Variants in SLC25A1 observed in about 807,000 individuals in gnomAD.
SLC25A1 encodes the protein tricarboxylate transport protein, mitochondrial.
In SLC25A1, 26 loss-of-function variants were observed where a neutral mutation model predicts 38.1. That is an observed-to-expected ratio of 0.68 (90% CI 0.50 to 0.95). The LOEUF (loss-of-function observed/expected upper bound fraction) is 0.95. Ranked by LOEUF, SLC25A1 falls within the 40% of genes least tolerant of loss-of-function variation. SLC25A1 has a pLI of 0.00. For synonymous variants in SLC25A1, 211 were observed against 183.2 expected, an observed-to-expected ratio of 1.15 and a Z score of -1.23; for missense variants, 378 against 426.6, an observed-to-expected ratio of 0.89 and a Z score of 1.00.
At position 19,178,002 on chromosome 22, in the gene SLC25A1, A is replaced by G. The variant is rs1555923147; in HGVS notation, c.242T>C (p.Leu81Pro). The change falls in exon 3 of 9, where the codon CTG becomes CCG. Residue 81 changes from leucine to proline, a missense_variant. Coordinates refer to ENST00000215882, the MANE Select transcript of SLC25A1 (RefSeq NM_005984.5). The surrounding 1 kb of genome is among the most constrained non-coding windows in gnomAD (Gnocchi z 4.9). ...GGAGCTAAGGCCGCGGTACAGGCCC[A>G]GGACGCCATGGCTGCGAACCGTCTG... ...VRQTVRSHGV[L>P]GLYRGLSSLL... 7.5e-6 allele frequency: 12 copies of G among 1,602,932 alleles called. No homozygotes were observed. The highest frequency in any genetic ancestry group is 1.0e-5 in the Non-Finnish European group (12 of 1,176,706).
intron 8 of SLC25A1, 43 bp from the exon 9 acceptor site, chr22:19,176,287 A>G (rs782297075): frequency 6.4e-7 from 1 of 1,567,022 alleles, no homozygotes; most frequent in Non-Finnish European, 8.8e-7. Flanking sequence ...AGGTCAGCAC[A>G]GTGTCCCTGC....
At position 19,178,102 on chromosome 22, in the gene SLC25A1, C is replaced by T. The variant is rs2146147840; in HGVS notation, c.202+31G>A. 1 of 1,532,032 alleles carries T rather than the reference C, an allele frequency of 6.5e-7. No homozygotes were observed. Among genetic ancestry groups the T allele is most frequent in the East Asian group, 2.5e-5 (1 of 39,868 alleles). The allele number at this position is 1,532,032 out of a possible 1,614,324, so 94.9% of individuals were successfully genotyped here. ...GGTGCCGCCGCCCTGGGTACCCGCC[C>T]CCCGCGGCGCCGCGGCCTCCCCCTC... On this transcript the variant is annotated intron_variant, in intron 2 of 8. Transcript: ENST00000215882. This position sits in a 1 kb window ranked among gnomAD's most constrained non-coding sequence, Gnocchi z 4.9.
rs1163347312 is a variant in SLC25A1 at position 19,178,125 on chromosome 22, C to G, written c.202+8G>C. 11 of 1,542,070 alleles carry G rather than the reference C, an allele frequency of 7.1e-6. No homozygotes were observed. In the East Asian group the frequency reaches 1.7e-4, roughly 24 times the overall value. ...CCCCCCGCGGCGCCGCGGCCTCCCCCTCCTCACCGATGCCCCGGTACCGCG... is the reference window on the plus strand; with the variant it reads ...CCCCCCGCGGCGCCGCGGCCTCCCCGTCCTCACCGATGCCCCGGTACCGCG... On this transcript the variant is annotated splice_region_variant and intron_variant, in intron 2 of 8. Transcript: ENST00000215882. The surrounding 1 kb of genome is among the most constrained non-coding windows in gnomAD (Gnocchi z 4.9).
intron 3 of SLC25A1, 25 bp from the exon 4 acceptor site, chr22:19,177,890 G>A (rs782258869): frequency 1.3e-6 from 2 of 1,585,820 alleles, no homozygotes; most frequent in Non-Finnish European, 1.7e-6. Flanking sequence ...CGGGTGAGAG[G>A]GGCTGCCGCG....
At chr22:19,176,769 C>A in intron 6 of SLC25A1, 76 bp from the exon 7 acceptor site, 1 of 1,585,886 alleles carries the variant, frequency 6.3e-7, no homozygotes, top group Non-Finnish European at 8.7e-7. Flanking sequence ...GGTGGGTGCC[C>A]GCCACCCAGG....
chr22:19,178,714 C>G lies in SLC25A1; in HGVS notation c.-41G>C, dbSNP rs1407879852. ...GGGCGCCCTGTGGCGGCTTCGGGTC[C>G]GAGACTCCAGAACTCCGCGCTCGGT... On this transcript the variant is annotated 5_prime_UTR_variant, in exon 1 of 9. Transcript: ENST00000215882. The surrounding 1 kb of genome is among the most constrained non-coding windows in gnomAD (Gnocchi z 4.9). 14 of 962,110 alleles carry G rather than the reference C, an allele frequency of 1.5e-5. No individual in the cohort carries two copies. The African/African-American group carries it at 2.1e-4, about 14-fold the overall frequency. 59.6% of individuals were successfully genotyped at this position (962,110 alleles called of 1,614,324 possible).
Position 19,178,622 on chromosome 22 carries a change from C to T in SLC25A1, c.52G>A (p.Gly18Arg), listed in dbSNP as rs1490169141. Reference protein sequence around the residue: ...RALAAAAPASGKAKLTHPGKA... With the variant: ...RALAAAAPASRKAKLTHPGKA... ...CCCGGGTGCGTCAGCTTGGCCTTCC[C>T]GGACGCGGGCGCGGCGGCCGCCAGA... The change falls in exon 1 of 9, where the codon GGG (glycine) becomes AGG (arginine). Residue 18 changes from glycine (G) to arginine (R), a missense_variant. Coordinates refer to ENST00000215882, the MANE Select transcript of SLC25A1 (RefSeq NM_005984.5). The surrounding 1 kb of genome is among the most constrained non-coding windows in gnomAD (Gnocchi z 4.9). 2 of 1,197,176 alleles carry T rather than the reference C, an allele frequency of 1.7e-6. No homozygotes were observed. The highest frequency in any genetic ancestry group is 4.5e-5 in the Admixed American group (1 of 22,402). 74.2% of individuals were successfully genotyped at this position (1,197,176 alleles called of 1,614,324 possible). A position where few individuals can be genotyped will look rare whatever the true frequency, so the allele number is the denominator to read the frequency against.
chr22:19,176,323 T>C (rs1210983312), intron 8 of SLC25A1, 79 bp from the exon 9 acceptor site: 1 of 1,556,050 alleles, frequency 6.4e-7, no homozygotes, highest in Non-Finnish European at 8.9e-7. Flanking sequence ...GATACTGAAG[T>C]GAGAGGCACA....
At chr22:19,176,274 G>A (rs782622413) in intron 8 of SLC25A1, 30 bp from the exon 9 acceptor site, 6 of 1,586,416 alleles carry the variant, frequency 3.8e-6, no homozygotes, top group Non-Finnish European at 5.2e-6. Context: ...GGGAGAGGAA[G>A]GCAGGTCAGC....
Position 19,178,460 on chromosome 22 carries a change from G to C in SLC25A1, c.94+120C>G. The stretch of plus-strand genomic sequence containing the variant: ...GTCCCAGCGCGCCGGGTGGGGACCA[G>C]GACCGCGCCTCCACGACTCCCCAGC... On this transcript the variant is annotated intron_variant, in intron 1 of 8. Coordinates refer to ENST00000215882, the MANE Select transcript of SLC25A1 (RefSeq NM_005984.5). This position sits in a 1 kb window ranked among gnomAD's most constrained non-coding sequence, Gnocchi z 4.9. 1 of 1,355,186 alleles carries C rather than the reference G, an allele frequency of 7.4e-7. No homozygotes were observed. Among genetic ancestry groups the C allele is most frequent in the African/African-American group, 1.5e-5 (1 of 64,554 alleles). 83.9% of individuals were successfully genotyped at this position (1,355,186 alleles called of 1,614,324 possible).
In SLC25A1 at chr22:19,177,207, G is replaced by GA; in HGVS notation, c.442-4dup. ...GTCTGGTCGTGGATGAACTTCACCT[G>GA]AGAGAGAGAAGCAAAGGCGCAGGTT... On this transcript the variant is annotated splice_polypyrimidine_tract_variant and splice_region_variant and intron_variant, in intron 4 of 8. Coordinates refer to ENST00000215882, the MANE Select transcript of SLC25A1 (RefSeq NM_005984.5). 1.2e-6 allele frequency: 2 copies of GA among 1,612,530 alleles called. No individual in the cohort carries two copies. Among genetic ancestry groups the GA allele is most frequent in the South Asian group, 1.1e-5 (1 of 91,050 alleles).
At position 19,178,329 on chromosome 22, in the gene SLC25A1, C is replaced by G; in HGVS notation, c.95-89G>C. On this transcript the variant is annotated intron_variant, in intron 1 of 8. Transcript: ENST00000215882. This position sits in a 1 kb window ranked among gnomAD's most constrained non-coding sequence, Gnocchi z 4.9. The stretch of plus-strand genomic sequence containing the variant: ...CCGTCCCGGACTTCGGTCGGCGCGG[C>G]CGCCGCGCCAGTGCCGCGGGGAACA... 1 of 1,519,118 alleles carries G rather than the reference C, an allele frequency of 6.6e-7. No individual in the cohort carries two copies. The highest frequency in any genetic ancestry group is 8.8e-7 in the Non-Finnish European group (1 of 1,134,318). 94.1% of individuals were successfully genotyped at this position (1,519,118 alleles called of 1,614,324 possible). A position where few individuals can be genotyped will look rare whatever the true frequency, so the allele number is the denominator to read the frequency against.
chr22:19,178,563 G>A lies in SLC25A1; in HGVS notation c.94+17C>T. On this transcript the variant is annotated intron_variant, in intron 1 of 8. Transcript: ENST00000215882. This position sits in a 1 kb window ranked among gnomAD's most constrained non-coding sequence, Gnocchi z 4.9. The stretch of plus-strand genomic sequence containing the variant: ...GAAGCGCGGCGGGAGAGGGGTCCGC[G>A]TCCCGGAGGGGCCCACCTGCCAGGA... The A allele has an allele frequency of 8.1e-7, 1 of 1,240,654 alleles. No homozygotes were observed. Among genetic ancestry groups the A allele is most frequent in the Non-Finnish European group, 1.0e-6 (1 of 992,684 alleles). The allele number at this position is 1,240,654 out of a possible 1,614,324, so 76.9% of individuals were successfully genotyped here.
At position 19,178,011 on chromosome 22, in the gene SLC25A1, T is replaced by C. The variant is rs1466425888; in HGVS notation, c.233A>G (p.His78Arg). Residue 78 changes from histidine to arginine, a missense_variant, in exon 3 of 9, where the codon CAT becomes CGT. By Grantham distance (29) the His-to-Arg change is conservative. Transcript: ENST00000215882. This position sits in a 1 kb window ranked among gnomAD's most constrained non-coding sequence, Gnocchi z 4.9. ...GDCVRQTVRSHGVLGLYRGLS... is the reference protein window; with the variant it reads ...GDCVRQTVRSRGVLGLYRGLS... Reference sequence around the variant, plus strand: ...GCCGCGGTACAGGCCCAGGACGCCATGGCTGCGAACCGTCTGCCGCACGCA... The same window carrying C: ...GCCGCGGTACAGGCCCAGGACGCCACGGCTGCGAACCGTCTGCCGCACGCA... 7 of 1,601,034 alleles carry C rather than the reference T, an allele frequency of 4.4e-6. No individual in the cohort carries two copies. In the Admixed American group the frequency reaches 8.6e-5, roughly 20 times the overall value.
At chr22:19,177,230 G>A in intron 4 of SLC25A1, 26 bp from the exon 5 acceptor site, 4 of 1,600,266 alleles carry the variant, frequency 2.5e-6, no homozygotes, top group African/African-American at 1.3e-5. Context: ...AAAGGCGCAG[G>A]TTCTCGGCTG....
rs1241011443 is a variant in SLC25A1, at chr22:19,178,732, C to G, written c.-59G>C. ...TCGGGTCCGAGACTCCAGAACTCCG[C>G]GCTCGGTCCGCGGTGGCGGCGGCGG... On this transcript the variant is annotated 5_prime_UTR_variant, in exon 1 of 9. Coordinates refer to ENST00000215882, the MANE Select transcript of SLC25A1 (RefSeq NM_005984.5). This position sits in a 1 kb window ranked among gnomAD's most constrained non-coding sequence, Gnocchi z 4.9. The G allele has an allele frequency of 2.4e-6, 2 of 841,878 alleles. No individual in the cohort carries two copies. Among genetic ancestry groups the G allele is most frequent in the East Asian group, 8.2e-5 (1 of 12,200 alleles). 52.2% of individuals were successfully genotyped at this position (841,878 alleles called of 1,614,324 possible).
chr22:19,178,096 C>T lies in SLC25A1; in HGVS notation c.202+37G>A. ...GCCCTCGGTGCCGCCGCCCTGGGTA[C>T]CCGCCCCCCGCGGCGCCGCGGCCTC... On this transcript the variant is annotated intron_variant, in intron 2 of 8. Transcript: ENST00000215882. The surrounding 1 kb of genome is among the most constrained non-coding windows in gnomAD (Gnocchi z 4.9). The T allele has an allele frequency of 6.5e-7, 1 of 1,534,436 alleles. No individual in the cohort carries two copies. The highest frequency in any genetic ancestry group is 8.8e-7 in the Non-Finnish European group (1 of 1,141,038).
At position 19,178,162 on chromosome 22, in the gene SLC25A1, C is replaced by A; in HGVS notation, c.173G>T (p.Arg58Leu). Residue 58 changes from arginine to leucine, a missense_variant, in exon 2 of 9, where the codon CGC becomes CTC. Transcript: ENST00000215882. This position sits in a 1 kb window ranked among gnomAD's most constrained non-coding sequence, Gnocchi z 4.9. The stretch of plus-strand genomic sequence containing the variant: ...GCCCCGGTACCGCGGCGGGTGCGAG[C>A]GCTCGTCCAGCTGCAGCTGCGTCTT... ...YVKTQLQLDE[R>L]SHPPRYRGIG... 1 of 1,547,156 alleles carries A rather than the reference C, an allele frequency of 6.5e-7. No homozygotes were observed. The highest frequency in any genetic ancestry group is 1.2e-5 in the South Asian group (1 of 83,802).
In SLC25A1 at chr22:19,178,408, A is replaced by AG; in HGVS notation, c.95-169dup. On this transcript the variant is annotated intron_variant, in intron 1 of 8. Transcript: ENST00000215882. The surrounding 1 kb of genome is among the most constrained non-coding windows in gnomAD (Gnocchi z 4.9). ...TCACCCCGTTGTCCCGGCGAGGCGC[A>AG]GGGGGTGACAGACGGGAGGCGGGCG... is the stretch of plus-strand genomic sequence containing the variant. 2 of 1,381,768 alleles carry AG rather than the reference A, an allele frequency of 1.4e-6. No homozygotes were observed. Among genetic ancestry groups the AG allele is most frequent in the Non-Finnish European group, 9.3e-7 (1 of 1,072,448 alleles). The allele number at this position is 1,381,768 out of a possible 1,614,324, so 85.6% of individuals were successfully genotyped here. A position where few individuals can be genotyped will look rare whatever the true frequency, so the allele number is the denominator to read the frequency against.
Sources: allele counts gnomAD v4.1 joint callset, GRCh38; gene constraint gnomAD v4.1.1; non-coding constraint Gnocchi (gnomAD v3.1); transcripts MANE v1.5; gene names NCBI Gene and HGNC (gene_info 2026-07-23, HGNC 2026-07-21).